Variants in KSR1 observed in about 807,000 individuals in gnomAD.
KSR1 encodes the protein kinase suppressor of ras.
In KSR1, 35 loss-of-function variants were observed where a neutral mutation model predicts 92.9. The observed-to-expected ratio is 0.38, with a 90% CI of 0.29 to 0.50. KSR1 has a LOEUF of 0.50. Among genes scored for constraint, KSR1 ranks in the 20% least tolerant of loss-of-function variants. The pLI, the probability that KSR1 is intolerant of heterozygous loss-of-function variation, is 0.94. For missense variants in KSR1, 972 were observed against 1,158.5 expected, an observed-to-expected ratio of 0.84 and a Z score of 2.34; for synonymous variants, 467 against 472.6, an observed-to-expected ratio of 0.99 and a Z score of 0.15.
chr17:27,561,297 C>T (rs2071817723), intron 2 of KSR1, among the ~76,000 whole-genome samples: 1 of 152,206 alleles, frequency 6.6e-6, no homozygotes, highest in South Asian at 2.1e-4. Context: ...AATGAATTGA[C>T]TGCCTGCCTT....
At chr17:27,470,201 G>A (rs1372865081) in intron 1 of KSR1, among the ~76,000 whole-genome samples, 1 of 150,548 alleles carries the variant, frequency 6.6e-6, no homozygotes, top group African/African-American at 2.5e-5. Flanking sequence ...GATTACAGGT[G>A]CACACCACCA....
rs1272362998 is a variant in KSR1, at chr17:27,606,444, C to A, written c.1994+631C>A. On this transcript the variant is annotated intron_variant, in intron 14 of 20. Transcript: ENST00000644974. ...ACTCACGTTTTTAAACTGTTTATTC[C>A]TTTTTGTAAAAATACAAAGGAGAGA... Among the ~76,000 whole-genome samples the A allele has an allele frequency of 2.0e-5, 3 of 152,140 alleles. No individual in the cohort carries two copies. The East Asian group carries it at 5.8e-4, about 29-fold the overall frequency.
At chr17:27,493,208 A>G (rs1311758851) in intron 1 of KSR1, among the ~76,000 whole-genome samples, 1 of 152,226 alleles carries the variant, frequency 6.6e-6, no homozygotes, top group African/African-American at 2.4e-5. Flanking sequence ...TTATACATAT[A>G]AATGAAGAAA....
rs1391857472 is a variant in KSR1, at chr17:27,577,541, C to T, written c.422C>T (p.Ala141Val). 2 of 1,604,904 alleles carry T rather than the reference C, an allele frequency of 1.2e-6. No individual in the cohort carries two copies. Among genetic ancestry groups the T allele is most frequent in the Admixed American group, 1.7e-5 (1 of 59,580 alleles). Residue 141 changes from alanine to valine, a missense_variant, in exon 3 of 21, where the codon GCC (alanine) becomes GTC (valine). By Grantham distance (64) the Ala-to-Val change is moderately conservative (BLOSUM62 0). Around this residue, in one of 5 missense-constraint regions of KSR1, gnomAD observed 611 missense variants for 668.0 expected, o/e 0.91. Transcript: ENST00000644974. The surrounding 1 kb of genome is among the most constrained non-coding windows in gnomAD (Gnocchi z 4.5). Reference sequence around the variant, plus strand: ...GATGCCCTGCTGGAGATGAATGAGGCCAAGGTGAAGGAGACGCTGCGGCGC... The same window carrying T: ...GATGCCCTGCTGGAGATGAATGAGGTCAAGGTGAAGGAGACGCTGCGGCGC... ...TLDALLEMNE[A>V]KVKETLRRCG...
At chr17:27,481,782 C>G (rs2068518692) in intron 1 of KSR1, among the ~76,000 whole-genome samples, 1 of 152,166 alleles carries the variant, frequency 6.6e-6, no homozygotes, top group South Asian at 2.1e-4. Context: ...GAACATTGTA[C>G]TCCAATATGT....
In KSR1 at chr17:27,559,526, A is replaced by C. The variant is rs1476290912; in HGVS notation, c.372+8818A>C. Among the ~76,000 whole-genome samples, 1 of 152,232 alleles carries C rather than the reference A, an allele frequency of 6.6e-6. No homozygotes were observed. The highest frequency in any genetic ancestry group is 2.4e-5 in the African/African-American group (1 of 41,464). On this transcript the variant is annotated intron_variant, in intron 2 of 20. Transcript: ENST00000644974. This position sits in a 1 kb window ranked among gnomAD's most constrained non-coding sequence, Gnocchi z 4.2. ...TGAAATTCGTGTTTTGTTTTATCGT[A>C]ATGAATTTTAATTTGAATAGACATC...
chr17:27,457,980 C>G (rs907887467), intron 1 of KSR1, among the ~76,000 whole-genome samples: 2 of 146,180 alleles, frequency 1.4e-5, no homozygotes, highest in African/African-American at 5.1e-5. Context: ...GTAATTATTA[C>G]AAGACCAATC....
intron 2 of KSR1, among the ~76,000 whole-genome samples, chr17:27,553,086 A>G (rs950445585): frequency 6.6e-6 from 1 of 152,138 alleles, no homozygotes; most frequent in African/African-American, 2.4e-5. Flanking sequence ...TCTTCTTGGA[A>G]TGCCTGGATT....
intron 14 of KSR1, among the ~76,000 whole-genome samples, chr17:27,607,690 TG>T (rs1284299203): frequency 1.3e-5 from 2 of 152,112 alleles, no homozygotes; most frequent in South Asian, 4.1e-4. Context: ...TCTCAGGGAA[TG>T]GGGGTTTGTG....
intron 9 of KSR1, among the ~76,000 whole-genome samples, chr17:27,594,337 C>T (rs1358654309): frequency 6.6e-6 from 1 of 152,042 alleles, no homozygotes; most frequent in African/African-American, 2.4e-5. Flanking sequence ...ATGCAGTGCC[C>T]CCTGCCCCCA....
chr17:27,622,278 C>T (rs2074246574), intron 20 of KSR1: 1 of 368,248 alleles, frequency 2.7e-6, no homozygotes, highest in African/African-American at 2.1e-5. Flanking sequence ...TTGGGTGGCT[C>T]TGTCTCACTG....
At chr17:27,592,870 G>A (rs1394993202) in intron 9 of KSR1, among the ~76,000 whole-genome samples, 2 of 152,196 alleles carry the variant, frequency 1.3e-5, no homozygotes, top group Non-Finnish European at 2.9e-5. Context: ...TGTGCTTAGT[G>A]TGTACTGGAA....
intron 2 of KSR1, among the ~76,000 whole-genome samples, chr17:27,576,341 T>G (rs554902175): frequency 1.2e-3 from 178 of 152,350 alleles, no homozygotes; most frequent in Non-Finnish European, 2.2e-3. Flanking sequence ...ACTGTGTTTT[T>G]TCCTATACAT....
In KSR1 at chr17:27,577,047, T is replaced by G. The variant is rs909934609; in HGVS notation, c.373-445T>G. ...TCTGCAGTGTTTGGTGAGGTTTTTT[T>G]GTTTTTTTTTTTTAAATCCTTCCTT... On this transcript the variant is annotated intron_variant, in intron 2 of 20. Transcript: ENST00000644974. This position sits in a 1 kb window ranked among gnomAD's most constrained non-coding sequence, Gnocchi z 4.5. Among the ~76,000 whole-genome samples, 2 of 99,980 alleles carry G rather than the reference T, an allele frequency of 2.0e-5. No individual in the cohort carries two copies. The highest frequency in any genetic ancestry group is 3.5e-5 in the African/African-American group (1 of 28,626). 65.6% of individuals were successfully genotyped at this position (99,980 alleles called of 152,430 possible).
At chr17:27,553,761 CA>C (rs2071488793) in intron 2 of KSR1, among the ~76,000 whole-genome samples, 1 of 152,212 alleles carries the variant, frequency 6.6e-6, no homozygotes, top group Non-Finnish European at 1.5e-5. Context: ...TTCTAAAGCC[CA>C]GAAAGAAAAG....
At chr17:27,570,054 G>C (rs1383066523) in intron 2 of KSR1, among the ~76,000 whole-genome samples, 1 of 152,196 alleles carries the variant, frequency 6.6e-6, no homozygotes, top group East Asian at 1.9e-4. Context: ...GACTGGAGTG[G>C]AGGCTAAGTG....
intron 2 of KSR1, among the ~76,000 whole-genome samples, chr17:27,571,167 CA>C (rs1299565540): frequency 1.3e-5 from 2 of 152,262 alleles, no homozygotes; most frequent in East Asian, 3.9e-4. Flanking sequence ...CCTTGCTTCC[CA>C]GGGGTGGGGT....
At chr17:27,549,225 T>C (rs1386173456) in intron 1 of KSR1, among the ~76,000 whole-genome samples, 1 of 152,024 alleles carries the variant, frequency 6.6e-6, no homozygotes, top group African/African-American at 2.4e-5. Flanking sequence ...ACTGTGAAGG[T>C]GGTACTTATT....
chr17:27,543,387 G>A (rs895068310), intron 1 of KSR1, among the ~76,000 whole-genome samples: 8 of 152,196 alleles, frequency 5.3e-5, no homozygotes, highest in African/African-American at 4.8e-5. Flanking sequence ...AGGTTGGGGC[G>A]CAGTGTAAAG....
Sources: allele counts gnomAD v4.1 joint callset (sites outside exome capture counted in the v4.1 genomes callset), GRCh38; gene constraint gnomAD v4.1.1; regional missense constraint gnomAD v4.1.1; non-coding constraint Gnocchi (gnomAD v3.1); transcripts MANE v1.5; gene names NCBI Gene and HGNC (gene_info 2026-07-23, HGNC 2026-07-21).